The following FREM3 variants were observed in gnomAD, a reference collection of about 807,000 sequenced individuals.
FREM3 encodes the protein FRAS1-related extracellular matrix protein 3.
Under a neutral mutation model 129.1 loss-of-function variants are expected in FREM3, and 105 were observed. The observed-to-expected ratio is 0.81, with a 90% CI of 0.69 to 0.96. The LOEUF is 0.96. FREM3 is among the 40% of genes least tolerant of loss of function. FREM3 has a pLI of 0.00. For missense variants in FREM3, 2,593 were observed against 2,666.3 expected (o/e 0.97, Z 0.61); for synonymous variants, 1,014 against 1,044.9 (o/e 0.97, Z 0.57).
At chr4:143,670,031 CTT>C (rs1739938909) in intron 2 of FREM3, among the ~76,000 whole-genome samples, 1 of 152,150 alleles carries the variant, frequency 6.6e-6, no homozygotes, top group African/African-American at 2.4e-5. Flanking sequence ...TTGATATTGA[CTT>C]AATTTCAAAG....
At chr4:143,578,478 G>A (rs960126196) in intron 7 of FREM3, among the ~76,000 whole-genome samples, 3 of 151,974 alleles carry the variant, frequency 2.0e-5, no homozygotes, top group East Asian at 1.9e-4. Flanking sequence ...AAAATAAATC[G>A]AGGAACAGAA....
chr4:143,596,390 G>A (rs1258532092), intron 6 of FREM3, among the ~76,000 whole-genome samples: 3 of 152,154 alleles, frequency 2.0e-5, no homozygotes, highest in African/African-American at 7.2e-5. Flanking sequence ...GAGTGGAAGA[G>A]GTGAATGTAA....
chr4:143,628,783 G>A (rs912421355), intron 2 of FREM3, among the ~76,000 whole-genome samples: 1 of 152,142 alleles, frequency 6.6e-6, no homozygotes, highest in African/African-American at 2.4e-5. Context: ...CCAGCCTACA[G>A]GGCTTCAGTG....
intron 2 of FREM3, among the ~76,000 whole-genome samples, chr4:143,639,268 A>G (rs1452521216): frequency 6.6e-6 from 1 of 152,128 alleles, no homozygotes; most frequent in Non-Finnish European, 1.5e-5. Flanking sequence ...CAGGTCAAAA[A>G]TGGGTGAATG....
At chr4:143,596,038 C>A (rs1738476476) in intron 6 of FREM3, among the ~76,000 whole-genome samples, 1 of 151,838 alleles carries the variant, frequency 6.6e-6, no homozygotes, top group African/African-American at 2.4e-5. Context: ...GGAACAAAGA[C>A]ACATAAGCAT....
chr4:143,646,177 T>G (rs987511037), intron 2 of FREM3, among the ~76,000 whole-genome samples: 3 of 152,232 alleles, frequency 2.0e-5, no homozygotes, highest in Admixed American at 6.5e-5. Flanking sequence ...GCCCAACATT[T>G]AAAATTATTG....
chr4:143,685,934 C>A (rs566237934), intron 2 of FREM3, among the ~76,000 whole-genome samples: 1 of 151,970 alleles, frequency 6.6e-6, no homozygotes, highest in Admixed American at 6.6e-5. Context: ...GATGGGTGCC[C>A]CAAACCATGG....
At chr4:143,582,358 C>A (rs1034933063) in intron 7 of FREM3, among the ~76,000 whole-genome samples, 2 of 152,044 alleles carry the variant, frequency 1.3e-5, no homozygotes, top group African/African-American at 4.8e-5. Flanking sequence ...CCAGCCGTTA[C>A]ACTTACACGC....
intron 2 of FREM3, among the ~76,000 whole-genome samples, chr4:143,655,727 C>T (rs965730009): frequency 2.6e-5 from 4 of 152,158 alleles, no homozygotes; most frequent in African/African-American, 9.7e-5. Flanking sequence ...GCTTCTCAAA[C>T]CTTACAGCCA....
At chr4:143,602,107 A>G (rs908384136) in intron 6 of FREM3, 2 of 152,214 alleles carry the variant, frequency 1.3e-5, no homozygotes, top group African/African-American at 4.8e-5. Context: ...TTGGTATCTA[A>G]CATGTGCCTA....
intron 2 of FREM3, among the ~76,000 whole-genome samples, chr4:143,660,733 A>G (rs1739698182): frequency 6.6e-6 from 1 of 151,872 alleles, no homozygotes; most frequent in Non-Finnish European, 1.5e-5. Context: ...ATGTTTTTCC[A>G]TTTTTTTGTA....
In FREM3 at chr4:143,641,262, G is replaced by A. The variant is rs561128292; in HGVS notation, c.5276-13502C>T. Among the ~76,000 whole-genome samples, 4 of 152,070 alleles carry A rather than the reference G, an allele frequency of 2.6e-5. No homozygotes were observed. In the South Asian group the frequency reaches 8.3e-4, roughly 32 times the overall value. On this transcript the variant is annotated intron_variant, in intron 2 of 7. Transcript: ENST00000329798. ...AATAAGATGACTCCAACAACAATTT[G>A]ATTCATAGATATGAGGAAAAGGGAA...
Position 143,699,494 on chromosome 4 carries a change from C to A in FREM3, c.1182G>T (p.Glu394Asp), listed in dbSNP as rs1461077007. 1.2e-5 allele frequency: 19 copies of A among 1,537,202 alleles called. No individual in the cohort carries two copies. The highest frequency in any genetic ancestry group is 1.6e-5 in the Non-Finnish European group (18 of 1,146,942). ...ELKIAYQPPAENSHGERLFQL... is the reference protein window; with the variant it reads ...ELKIAYQPPADNSHGERLFQL... The stretch of plus-strand genomic sequence containing the variant: ...GAAAGAGGCGCTCCCCATGGGAGTT[C>A]TCTGCAGGGGGCTGATAGGCAATCT... Residue 394 changes from glutamate to aspartate, a missense_variant, in exon 1 of 8, where the codon GAG (glutamate) becomes GAT (aspartate). Physicochemically the swap from Glu to Asp is conservative, Grantham distance 45 (BLOSUM62 2). Transcript: ENST00000329798. The surrounding 1 kb of genome is among the most constrained non-coding windows in gnomAD (Gnocchi z 4.2).
At chr4:143,662,050 T>C (rs545315150) in intron 2 of FREM3, among the ~76,000 whole-genome samples, 5,089 of 152,088 alleles carry the variant, frequency 0.033, 288 homozygotes, top group African/African-American at 0.12. Flanking sequence ...GCTCCTGGAT[T>C]CATTGATTTT....
intron 2 of FREM3, among the ~76,000 whole-genome samples, chr4:143,661,314 G>C (rs569419616): frequency 1.3e-4 from 20 of 152,262 alleles, no homozygotes; most frequent in Admixed American, 3.3e-4. Context: ...GTTGAATTTT[G>C]TCAAAGGCCT....
chr4:143,657,040 C>T (rs576375379), intron 2 of FREM3, among the ~76,000 whole-genome samples: 72 of 152,160 alleles, frequency 4.7e-4, no homozygotes, highest in African/African-American at 1.6e-3. Flanking sequence ...GAAAAAAATC[C>T]AAAGCATTGT....
rs1331758121 is a variant in FREM3 at position 143,668,386 on chromosome 4, A to G, written c.5275+24727T>C. 2.0e-5 allele frequency among the ~76,000 whole-genome samples: 3 copies of G among 152,244 alleles called. No individual in the cohort carries two copies. The East Asian group carries it at 5.8e-4, about 29-fold the overall frequency. On this transcript the variant is annotated intron_variant, in intron 2 of 7. Transcript: ENST00000329798. ...TCTGCTTTTGCCACACTGCATAACA[A>G]TACATTCCTGTATTCACTTTCTCAA...
At chr4:143,685,477 C>G (rs1388529986) in intron 2 of FREM3, among the ~76,000 whole-genome samples, 1 of 152,160 alleles carries the variant, frequency 6.6e-6, no homozygotes, top group Non-Finnish European at 1.5e-5. Flanking sequence ...CAAGCCACCA[C>G]TACAGGAACT....
chr4:143,682,048 C>T lies in FREM3; in HGVS notation c.5275+11065G>A, dbSNP rs540456096. On this transcript the variant is annotated intron_variant, in intron 2 of 7. Coordinates refer to ENST00000329798, the MANE Select transcript of FREM3 (RefSeq NM_001168235.2). Reference sequence around the variant, plus strand: ...AAACCAAGGGTTTAAGGCAGTATCCCACTAAAATAATTCACCAAAATAGTC... The same window carrying T: ...AAACCAAGGGTTTAAGGCAGTATCCTACTAAAATAATTCACCAAAATAGTC... Among the ~76,000 whole-genome samples, 23 of 152,160 alleles carry T rather than the reference C, an allele frequency of 1.5e-4. No homozygotes were observed. The South Asian group carries it at 2.5e-3, about 17-fold the overall frequency.
Sources: allele counts gnomAD v4.1 joint callset (sites outside exome capture counted in the v4.1 genomes callset), GRCh38; gene constraint gnomAD v4.1.1; non-coding constraint Gnocchi (gnomAD v3.1); transcripts MANE v1.5; gene names NCBI Gene and HGNC (gene_info 2026-07-23, HGNC 2026-07-21).